Variants in TANGO2 observed in about 807,000 individuals in gnomAD.
TANGO2 encodes transport and Golgi organization protein 2 homolog.
A neutral mutation model predicts 39.1 loss-of-function variants in TANGO2; 26 were observed. That is an observed-to-expected ratio of 0.67 (90% confidence interval 0.49 to 0.92). The LOEUF is 0.92. Among genes scored for constraint, TANGO2 ranks in the 40% least tolerant of loss-of-function variants. The pLI, the probability that TANGO2 is intolerant of heterozygous loss-of-function variation, is 0.00. For missense variants in TANGO2, 326 were observed against 360.1 expected (o/e 0.91, Z 0.77); for synonymous variants, 131 against 144.5 (o/e 0.91, Z 0.67).
intron 3 of TANGO2, among the ~76,000 whole-genome samples, chr22:20,048,751 A>T (rs550045274): frequency 1.3e-5 from 2 of 151,924 alleles, no homozygotes; most frequent in South Asian, 4.1e-4. Flanking sequence ...GGTTCAAGTG[A>T]TTCTTCTGCC....
intron 1 of TANGO2, among the ~76,000 whole-genome samples, chr22:20,026,824 C>T (rs2040855619): frequency 6.6e-6 from 1 of 152,196 alleles, no homozygotes; most frequent in Non-Finnish European, 1.5e-5. Context: ...TGAGTGGCAA[C>T]AGGTTCTGGT....
chr22:20,035,560 G>T (rs1436028306), intron 1 of TANGO2, among the ~76,000 whole-genome samples: 1 of 152,236 alleles, frequency 6.6e-6, no homozygotes, highest in Non-Finnish European at 1.5e-5. Flanking sequence ...GGCCCCAGAG[G>T]TCCCTGGGTG....
At position 20,051,021 on chromosome 22, in the gene TANGO2, C is replaced by T. The variant is rs187950803; in HGVS notation, c.146-1444C>T. ...GGATTACAGGCATGCACCACCACGC[C>T]TGGCTAATTTTGTATCTTTAATAGA... On this transcript the variant is annotated intron_variant, in intron 3 of 8. Coordinates refer to ENST00000327374, the MANE Select transcript of TANGO2 (RefSeq NM_152906.7). Among the ~76,000 whole-genome samples the T allele has an allele frequency of 2.0e-5, 3 of 151,138 alleles. No individual in the cohort carries two copies. In the East Asian group the frequency reaches 6.1e-4, roughly 31 times the overall value.
chr22:20,032,568 G>C (rs1345835987), intron 1 of TANGO2, among the ~76,000 whole-genome samples: 1 of 152,266 alleles, frequency 6.6e-6, no homozygotes, highest in African/African-American at 2.4e-5. Flanking sequence ...GACCACTCTG[G>C]CCTTCTTGGA....
chr22:20,043,451 T>A lies in TANGO2; in HGVS notation c.145+8T>A. The stretch of plus-strand genomic sequence containing the variant: ...ACAACGAGATCCTCAGTGGTGAGTC[T>A]TCCTGCGTGCTCAGCGGTGGCTGCG... On this transcript the variant is annotated splice_region_variant and intron_variant, in intron 3 of 8. Coordinates refer to ENST00000327374, the MANE Select transcript of TANGO2 (RefSeq NM_152906.7). 6.2e-7 allele frequency: 1 copy of A among 1,603,866 alleles called. No homozygotes were observed. Among genetic ancestry groups the A allele is most frequent in the Non-Finnish European group, 8.5e-7 (1 of 1,171,194 alleles).
At chr22:20,041,083 TG>T (rs576169800) in intron 2 of TANGO2, among the ~76,000 whole-genome samples, 22 of 152,230 alleles carry the variant, frequency 1.4e-4, no homozygotes, top group Non-Finnish European at 2.9e-4. Flanking sequence ...AGGCACTGAG[TG>T]GGGGGCACAC....
chr22:20,053,399 C>G (rs751279511), intron 4 of TANGO2, 38 bp from the exon 5 acceptor site: 1 of 1,433,102 alleles, frequency 7.0e-7, no homozygotes, highest in Non-Finnish European at 9.8e-7. Flanking sequence ...GAGCACATGC[C>G]TGCAGCTGTG....
At position 20,064,944 on chromosome 22, in the gene TANGO2, T is replaced by G; in HGVS notation, c.*282T>G. ...ATACACCTGAGCCCACTCTTGCACATGTACACAGGCACTCACATGGCACAC... is the reference window on the plus strand; with the variant it reads ...ATACACCTGAGCCCACTCTTGCACAGGTACACAGGCACTCACATGGCACAC... On this transcript the variant is annotated 3_prime_UTR_variant, in exon 9 of 9. Transcript: ENST00000327374. The G allele has an allele frequency of 2.4e-6, 1 of 411,480 alleles. No homozygotes were observed. Among genetic ancestry groups the G allele is most frequent in the Non-Finnish European group, 4.5e-6 (1 of 223,742 alleles). The allele number at this position is 411,480 out of a possible 1,614,324, so 25.5% of individuals were successfully genotyped here.
At chr22:20,033,614 A>T (rs1166622616) in intron 1 of TANGO2, among the ~76,000 whole-genome samples, 2 of 152,152 alleles carry the variant, frequency 1.3e-5, no homozygotes. Context: ...GGCCAGTGGG[A>T]TTCCAGTAGA....
chr22:20,018,972 C>G (rs1368059582), upstream of TANGO2, among the ~76,000 whole-genome samples: 1 of 152,120 alleles, frequency 6.6e-6, no homozygotes, highest in African/African-American at 2.4e-5. Flanking sequence ...ATAGTCCCAG[C>G]TACTTGGGAG....
chr22:20,052,680 T>G (rs1602239004), intron 4 of TANGO2, 96 bp downstream of exon 4: 1 of 1,449,108 alleles, frequency 6.9e-7, no homozygotes, highest in East Asian at 2.5e-5. Context: ...GACTGGCCAA[T>G]GTATGGTGGA....
Position 20,048,906 on chromosome 22 carries a change from A to G in TANGO2, c.146-3559A>G, listed in dbSNP as rs535476000. 3.3e-5 allele frequency among the ~76,000 whole-genome samples: 5 copies of G among 152,192 alleles called. No homozygotes were observed. In the East Asian group the frequency reaches 9.6e-4, roughly 29 times the overall value. On this transcript the variant is annotated intron_variant, in intron 3 of 8. Coordinates refer to ENST00000327374, the MANE Select transcript of TANGO2 (RefSeq NM_152906.7). Reference sequence around the variant, plus strand: ...TTGATCTGCCTGCCTTGGCCTCCCAAAGTGGTAGGATTACAGGCGTGAGCC... The same window carrying G: ...TTGATCTGCCTGCCTTGGCCTCCCAGAGTGGTAGGATTACAGGCGTGAGCC...
chr22:20,033,648 G>A (rs1303583865), intron 1 of TANGO2, among the ~76,000 whole-genome samples: 1 of 152,242 alleles, frequency 6.6e-6, no homozygotes, highest in Admixed American at 6.5e-5. Context: ...GGCTTCTCCA[G>A]TGACTGCAGC....
intron 3 of TANGO2, among the ~76,000 whole-genome samples, chr22:20,043,934 G>C (rs1257206596): frequency 6.6e-6 from 1 of 152,182 alleles, no homozygotes; most frequent in African/African-American, 2.4e-5. Flanking sequence ...CCTGCACCAT[G>C]CCTGTGTTGC....
intron 5 of TANGO2, chr22:20,054,085 T>C (rs2046913490): frequency 3.5e-6 from 1 of 285,874 alleles, no homozygotes; most frequent in South Asian, 3.1e-5. Context: ...CGGGAAGTGG[T>C]CGGCACATTG....
intron 5 of TANGO2, 85 bp downstream of exon 5, chr22:20,053,636 T>A: frequency 1.1e-6 from 1 of 880,162 alleles, no homozygotes; most frequent in Non-Finnish European, 1.9e-6. Context: ...GGGGTTCCAC[T>A]GGGGGCTGTG....
rs571791374 is a variant in TANGO2 at position 20,021,811 on chromosome 22, G to A, written c.-40+565G>A. ...TTTCCTCTAGGAAGTGGGCACAGAG[G>A]GCTGTTTGCTGAGACCCCCACCTTC... On this transcript the variant is annotated intron_variant, in intron 1 of 8. Coordinates refer to ENST00000327374, the MANE Select transcript of TANGO2 (RefSeq NM_152906.7). Among the ~76,000 whole-genome samples, 5 of 152,366 alleles carry A rather than the reference G, an allele frequency of 3.3e-5. No homozygotes were observed. The South Asian group carries it at 1.0e-3, about 32-fold the overall frequency.
chr22:20,064,925 C>T lies in TANGO2; in HGVS notation c.*263C>T. 1 of 452,010 alleles carries T rather than the reference C, an allele frequency of 2.2e-6. No homozygotes were observed. Among genetic ancestry groups the T allele is most frequent in the Non-Finnish European group, 4.0e-6 (1 of 248,898 alleles). The allele number at this position is 452,010 out of a possible 1,614,324, so 28.0% of individuals were successfully genotyped here. A position where few individuals can be genotyped will look rare whatever the true frequency, so the allele number is the denominator to read the frequency against. ...GTATACCATGAACATGTGGATACAC[C>T]TGAGCCCACTCTTGCACATGTACAC... On this transcript the variant is annotated 3_prime_UTR_variant, in exon 9 of 9. Transcript: ENST00000327374.
intron 1 of TANGO2, among the ~76,000 whole-genome samples, chr22:20,031,846 C>T (rs1164564891): frequency 5.3e-5 from 8 of 152,190 alleles, no homozygotes; most frequent in Admixed American, 2.6e-4. Flanking sequence ...GATCCAGTGC[C>T]GAGGCCATCC....
Sources: allele counts gnomAD v4.1 joint callset (sites outside exome capture counted in the v4.1 genomes callset), GRCh38; gene constraint gnomAD v4.1.1; transcripts MANE v1.5; gene names NCBI Gene and HGNC (gene_info 2026-07-23, HGNC 2026-07-21).